The following INPP5A variants were observed in gnomAD, a reference collection of about 807,000 sequenced individuals.
INPP5A encodes the protein 43 kDa inositol polyphosphate 5-phophatase.
In INPP5A, 14 loss-of-function variants were observed where a neutral mutation model predicts 65.2. That is an observed-to-expected ratio of 0.21 (90% CI 0.14 to 0.34). The LOEUF is 0.34. Ranked by LOEUF, INPP5A falls within the 10% of genes least tolerant of loss-of-function variation. The pLI is 1.00. For synonymous variants in INPP5A, 207 were observed against 208.3 expected (o/e 0.99, Z 0.05); for missense variants, 431 against 545.6 (o/e 0.79, Z 2.09).
intron 4 of INPP5A, among the ~76,000 whole-genome samples, chr10:132,689,485 T>C (rs900641512): frequency 5.9e-5 from 9 of 152,232 alleles, no homozygotes; most frequent in African/African-American, 1.9e-4. Context: ...AATGTATAGA[T>C]GGTGAGATTC....
rs549636315 is a variant in INPP5A, at chr10:132,712,340, C to T, written c.647+1884C>T. On this transcript the variant is annotated intron_variant, in intron 8 of 15. Transcript: ENST00000368594. ...TGGGGTTTGTGTGGGGGTGGGTGTG[C>T]GCACATCTGCGTGTGTGTGTTCGTG... Among the ~76,000 whole-genome samples the T allele has an allele frequency of 1.6e-4, 24 of 151,090 alleles. No homozygotes were observed. In the South Asian group the frequency reaches 2.1e-3, roughly 13 times the overall value.
intron 3 of INPP5A, among the ~76,000 whole-genome samples, chr10:132,646,705 C>T (rs2072499332): frequency 6.6e-6 from 1 of 152,256 alleles, no homozygotes; most frequent in African/African-American, 2.4e-5. Flanking sequence ...TTCTTCACAG[C>T]ATGAGGGCTT....
intron 4 of INPP5A, among the ~76,000 whole-genome samples, chr10:132,688,156 TGACCCAGG>T (rs1258755738): frequency 5.9e-5 from 9 of 152,194 alleles, no homozygotes; most frequent in Non-Finnish European, 1.3e-4. Context: ...CCCAGAGAGC[TGACCCAGG>T]GGCCCAGGGG....
chr10:132,687,094 GCCA>G, intron 4 of INPP5A, among the ~76,000 whole-genome samples: 1 of 152,192 alleles, frequency 6.6e-6, no homozygotes, highest in Non-Finnish European at 1.5e-5. Flanking sequence ...ACAGGCTCAT[GCCA>G]CCACGCCTGG....
rs777822026 is a variant in INPP5A at position 132,590,157 on chromosome 10, G to A, written c.76-17758G>A. On this transcript the variant is annotated intron_variant, in intron 1 of 15. Transcript: ENST00000368594. ...TAATTGGTCAAGGTATGTGGCTGGCGAGGGACGCCAGGGATGCGGCCTCCT... is the reference window on the plus strand; with the variant it reads ...TAATTGGTCAAGGTATGTGGCTGGCAAGGGACGCCAGGGATGCGGCCTCCT... 4.3e-4 allele frequency among the ~76,000 whole-genome samples: 66 copies of A among 152,336 alleles called. 1 individual carries two copies. The highest frequency in any genetic ancestry group is 5.4e-4 in the Non-Finnish European group (37 of 68,020).
In INPP5A at chr10:132,674,963, A is replaced by C. The variant is rs560418746; in HGVS notation, c.307-15429A>C. On this transcript the variant is annotated intron_variant, in intron 4 of 15. Transcript: ENST00000368594. This position sits in a 1 kb window ranked among gnomAD's most constrained non-coding sequence, Gnocchi z 4.4. ...CTTATCTGCCACTGACACCTCAAGC[A>C]CCATTGGATCTGCTGGGTCATATGG... 7.6e-4 allele frequency among the ~76,000 whole-genome samples: 116 copies of C among 152,258 alleles called. No homozygotes were observed. Among genetic ancestry groups the C allele is most frequent in the African/African-American group, 2.6e-3 (108 of 41,538 alleles).
chr10:132,610,407 C>G (rs746454072), intron 2 of INPP5A, among the ~76,000 whole-genome samples: 9 of 152,228 alleles, frequency 5.9e-5, no homozygotes, highest in Non-Finnish European at 1.2e-4. Context: ...GGGGTTGCCC[C>G]GGGCCTAGCT....
At chr10:132,691,410 C>A (rs1361860655) in intron 5 of INPP5A, among the ~76,000 whole-genome samples, 1 of 152,162 alleles carries the variant, frequency 6.6e-6, no homozygotes, top group African/African-American at 2.4e-5. Context: ...ACGGCGTCTG[C>A]GTGCTGTGCG....
chr10:132,755,698 G>C (rs1230291202), intron 11 of INPP5A, among the ~76,000 whole-genome samples: 1 of 151,986 alleles, frequency 6.6e-6, no homozygotes, highest in East Asian at 1.9e-4. Context: ...GTGGGGGGTG[G>C]TTTGCTTTTT....
Position 132,603,760 on chromosome 10 carries a change from T to C in INPP5A, c.76-4155T>C, listed in dbSNP as rs2071804514. On this transcript the variant is annotated intron_variant, in intron 1 of 15. Transcript: ENST00000368594. This position sits in a 1 kb window ranked among gnomAD's most constrained non-coding sequence, Gnocchi z 4.2. ...ATAGATTCTATTACTTGTGTTTTGT[T>C]AGTTTGTAACAGAGACACTCTGTTC... Among the ~76,000 whole-genome samples, 1 of 152,174 alleles carries C rather than the reference T, an allele frequency of 6.6e-6. No homozygotes were observed. Among genetic ancestry groups the C allele is most frequent in the African/African-American group, 2.4e-5 (1 of 41,436 alleles).
rs984028463 is a variant in INPP5A at position 132,727,123 on chromosome 10, A to T, written c.732+218A>T. The T allele has an allele frequency of 7.1e-6, 3 of 422,866 alleles. No individual in the cohort carries two copies. Among genetic ancestry groups the T allele is most frequent in the African/African-American group, 6.1e-5 (3 of 49,526 alleles). 26.2% of individuals were successfully genotyped at this position (422,866 alleles called of 1,614,324 possible). On this transcript the variant is annotated intron_variant, in intron 9 of 15. Transcript: ENST00000368594. The surrounding 1 kb of genome is among the most constrained non-coding windows in gnomAD (Gnocchi z 6.5). ...GCGCGGGCCCTCAAGGTTGCCCCGG[A>T]TGGCGGGTGACAGTGCTGTGGGGCT...
At chr10:132,729,237 T>C (rs1288901453) in intron 9 of INPP5A, among the ~76,000 whole-genome samples, 1 of 152,146 alleles carries the variant, frequency 6.6e-6, no homozygotes, top group Non-Finnish European at 1.5e-5. Flanking sequence ...GGGAGAACAG[T>C]GCAGGGGCCT....
At chr10:132,670,928 G>C (rs955383749) in intron 4 of INPP5A, among the ~76,000 whole-genome samples, 2 of 151,240 alleles carry the variant, frequency 1.3e-5, no homozygotes, top group African/African-American at 4.9e-5. Flanking sequence ...AACTGCAAAC[G>C]GCGGTGACGG....
At chr10:132,642,537 C>A (rs990357222) in intron 2 of INPP5A, among the ~76,000 whole-genome samples, 2 of 152,210 alleles carry the variant, frequency 1.3e-5, no homozygotes, top group African/African-American at 2.4e-5. Context: ...GAGGACACAT[C>A]TTTTCTTGTG....
chr10:132,617,392 G>A (rs894011445), intron 2 of INPP5A, among the ~76,000 whole-genome samples: 3 of 152,186 alleles, frequency 2.0e-5, no homozygotes, highest in Admixed American at 6.5e-5. Context: ...CTGCAGGGAC[G>A]AGAGGAAGGG....
intron 8 of INPP5A, among the ~76,000 whole-genome samples, chr10:132,717,641 C>T (rs1159087152): frequency 7.0e-6 from 1 of 143,042 alleles, no homozygotes; most frequent in Non-Finnish European, 1.5e-5. Flanking sequence ...CAGCTGTCTT[C>T]AGGGTTCTGT....
At position 132,734,069 on chromosome 10, in the gene INPP5A, G is replaced by A. The variant is rs540063525; in HGVS notation, c.732+7164G>A. Among the ~76,000 whole-genome samples the A allele has an allele frequency of 3.9e-5, 6 of 152,344 alleles. No individual in the cohort carries two copies. The South Asian group carries it at 6.2e-4, about 16-fold the overall frequency. The stretch of plus-strand genomic sequence containing the variant: ...CCAGGCTCAGTGCAGCTGGTGAACC[G>A]GGGCTGCGCAGGTACCTCTGGTCGG... On this transcript the variant is annotated intron_variant, in intron 9 of 15. Transcript: ENST00000368594.
chr10:132,758,850 T>G (rs932430436), intron 11 of INPP5A, among the ~76,000 whole-genome samples: 4 of 152,202 alleles, frequency 2.6e-5, no homozygotes, highest in African/African-American at 9.6e-5. Flanking sequence ...GCTGTGGGAC[T>G]CTCCCACGGT....
chr10:132,754,474 C>T (rs1244286250), intron 11 of INPP5A, among the ~76,000 whole-genome samples: 1 of 152,110 alleles, frequency 6.6e-6, no homozygotes, highest in Non-Finnish European at 1.5e-5. Flanking sequence ...GGGCGAGCAC[C>T]TATGGGCCTG....
Sources: allele counts gnomAD v4.1 joint callset (sites outside exome capture counted in the v4.1 genomes callset), GRCh38; gene constraint gnomAD v4.1.1; non-coding constraint Gnocchi (gnomAD v3.1); transcripts MANE v1.5; gene names NCBI Gene and HGNC (gene_info 2026-07-23, HGNC 2026-07-21).